UNC13C: variants seen among roughly 807,000 people sequenced by gnomAD.
UNC13C encodes protein unc-13 homolog C.
Under a neutral mutation model 245.4 loss-of-function variants are expected in UNC13C, and 174 were observed. The observed-to-expected ratio is 0.71, with a 90% CI of 0.63 to 0.80. The LOEUF (loss-of-function observed/expected upper bound fraction) is 0.80. UNC13C is among the 30% of genes least tolerant of loss of function. The pLI, the probability that UNC13C is intolerant of heterozygous loss-of-function variation, is 0.00. For missense variants in UNC13C, 2,829 were observed against 2,602.9 expected (o/e 1.09, Z -1.89); for synonymous variants, 992 against 895.1 (o/e 1.11, Z -1.93).
At chr15:54,241,336 C>T (rs1281985081) in intron 7 of UNC13C, among the ~76,000 whole-genome samples, 2 of 151,966 alleles carry the variant, frequency 1.3e-5, no homozygotes, top group Non-Finnish European at 2.9e-5. Context: ...GAGATCAAAC[C>T]GGAGCCCTAT....
the UNC13C span, among the ~76,000 whole-genome samples, chr15:53,839,221 C>T: frequency 6.6e-6 from 1 of 151,932 alleles, no homozygotes; most frequent in Non-Finnish European, 1.5e-5. Context: ...CTTCCCATCC[C>T]CCAATTAGGA....
the UNC13C span, among the ~76,000 whole-genome samples, chr15:53,971,708 TC>T: frequency 1.3e-5 from 2 of 152,176 alleles, no homozygotes; most frequent in Non-Finnish European, 2.9e-5. Context: ...GGAAAATTCA[TC>T]TATATGAGAA....
chr15:54,444,402 A>G (rs1890694031), intron 19 of UNC13C, among the ~76,000 whole-genome samples: 2 of 151,296 alleles, frequency 1.3e-5, no homozygotes, highest in Admixed American at 1.3e-4. Flanking sequence ...CTTTACTTTG[A>G]GTCTATATAT....
chr15:54,619,959 G>A (rs78849702), intron 30 of UNC13C, among the ~76,000 whole-genome samples: 2,128 of 152,178 alleles, frequency 0.014, 50 homozygotes, highest in African/African-American at 0.048. Flanking sequence ...TGACTATTAA[G>A]CAATAACAGC....
At chr15:53,912,377 T>C in the UNC13C span, 1 of 152,254 alleles carries the variant, frequency 6.6e-6, no homozygotes, top group Non-Finnish European at 1.5e-5. Flanking sequence ...GAGCTGGCAA[T>C]CCTCTGGTCC....
At chr15:53,882,668 A>G in the UNC13C span, among the ~76,000 whole-genome samples, 1 of 152,154 alleles carries the variant, frequency 6.6e-6, no homozygotes, top group Non-Finnish European at 1.5e-5. Context: ...TCATCCCAAA[A>G]CTTTGTCAAA....
At chr15:53,847,522 AT>A in the UNC13C span, among the ~76,000 whole-genome samples, 698 of 139,170 alleles carry the variant, frequency 5.0e-3, 6 homozygotes, top group East Asian at 0.013. Context: ...ATGCCTGGCT[AT>A]TTTTTTTTTT....
chr15:54,542,705 T>C (rs12913929), intron 26 of UNC13C, among the ~76,000 whole-genome samples: 2,119 of 152,262 alleles, frequency 0.014, 14 homozygotes, highest in Middle Eastern at 0.024. Context: ...CATATATATT[T>C]ATATTAGTTA....
At chr15:54,194,204 A>G (rs1240358744) in intron 4 of UNC13C, among the ~76,000 whole-genome samples, 2 of 152,114 alleles carry the variant, frequency 1.3e-5, no homozygotes, top group African/African-American at 4.8e-5. Flanking sequence ...ACGGGGTGAT[A>G]GTTTAGACTA....
chr15:54,457,211 C>T (rs1891579740), intron 19 of UNC13C, among the ~76,000 whole-genome samples: 1 of 152,118 alleles, frequency 6.6e-6, no homozygotes, highest in Admixed American at 6.6e-5. Flanking sequence ...ACCAACCCTC[C>T]ATCCTTGGTA....
At chr15:54,321,414 GCT>G in intron 13 of UNC13C, 1 of 495,256 alleles carries the variant, frequency 2.0e-6, no homozygotes, top group South Asian at 1.5e-5. Flanking sequence ...TCTTGAGACA[GCT>G]CTCTTTGTTT....
chr15:54,416,447 A>T (rs991910675), intron 19 of UNC13C, among the ~76,000 whole-genome samples: 1 of 152,170 alleles, frequency 6.6e-6, no homozygotes, highest in Non-Finnish European at 1.5e-5. Flanking sequence ...AATCTTTAAA[A>T]TCACACCAGA....
chr15:54,041,991 G>C (rs1896825132), intron 2 of UNC13C, among the ~76,000 whole-genome samples: 1 of 152,138 alleles, frequency 6.6e-6, no homozygotes, highest in South Asian at 2.1e-4. Context: ...ATGGTGCTGA[G>C]GCTTGGCATT....
chr15:54,032,314 A>T (rs1036196666), intron 2 of UNC13C, among the ~76,000 whole-genome samples: 4 of 152,174 alleles, frequency 2.6e-5, no homozygotes, highest in African/African-American at 9.7e-5. Flanking sequence ...AATCAGGTTG[A>T]TAGGAAAACA....
chr15:54,381,806 T>A (rs1284595648), intron 17 of UNC13C, among the ~76,000 whole-genome samples: 1 of 152,074 alleles, frequency 6.6e-6, no homozygotes, highest in Non-Finnish European at 1.5e-5. Flanking sequence ...ACAGTAATAA[T>A]GGAAGATTTC....
At chr15:53,978,103 A>G (rs1893771389), upstream of UNC13C, among the ~76,000 whole-genome samples, 1 of 152,244 alleles carries the variant, frequency 6.6e-6, no homozygotes, top group East Asian at 1.9e-4. Context: ...CATCTAAAAC[A>G]GTCATTGTTG....
intron 1 of UNC13C, among the ~76,000 whole-genome samples, chr15:53,989,961 G>A (rs909383173): frequency 2.0e-5 from 3 of 151,926 alleles, no homozygotes; most frequent in African/African-American, 4.8e-5. Context: ...CCATATTTAT[G>A]TTTCTTCCTG....
At chr15:54,142,831 A>G (rs1334757497) in intron 2 of UNC13C, among the ~76,000 whole-genome samples, 187 bp from the exon 3 acceptor site, 1 of 152,192 alleles carries the variant, frequency 6.6e-6, no homozygotes, top group Admixed American at 6.5e-5. Context: ...ATTCTATTAC[A>G]TTTCTCTGCA....
At chr15:54,176,964 G>T (rs1015756359) in intron 4 of UNC13C, among the ~76,000 whole-genome samples, 1 of 152,082 alleles carries the variant, frequency 6.6e-6, no homozygotes, top group Non-Finnish European at 1.5e-5. Flanking sequence ...GTAGCATTGA[G>T]ATTGATGTTA....
Sources: gnomAD v4.1 joint callset for allele counts (sites outside exome capture counted in the v4.1 genomes callset) on GRCh38, gnomAD v4.1.1 for gene constraint, MANE v1.5 for transcripts, NCBI Gene and HGNC (gene_info 2026-07-23, HGNC 2026-07-21) for gene names.